The following CLN6 variants were observed in gnomAD, a reference collection of about 807,000 sequenced individuals.
CLN6 encodes CLN6 transmembrane ER protein, also known as ceroid-lipofuscinosis neuronal protein 6.
In CLN6, 22 loss-of-function variants were observed where a neutral mutation model predicts 33.3. That is an observed-to-expected ratio of 0.66 (90% CI 0.47 to 0.94). CLN6 has a LOEUF of 0.94. CLN6 is among the 40% of genes least tolerant of loss of function. CLN6 has a pLI of 0.00. For synonymous variants in CLN6, 201 were observed against 174.6 expected (o/e 1.15, Z -1.19); for missense variants, 387 against 417.1 (o/e 0.93, Z 0.63).
At chr15:68,225,265 T>C (rs1384716827) in intron 1 of CLN6, among the ~76,000 whole-genome samples, 1 of 152,264 alleles carries the variant, frequency 6.6e-6, no homozygotes, top group Non-Finnish European at 1.5e-5. Flanking sequence ...TATTTGGCTC[T>C]GTTGGAACAA....
chr15:68,244,973 G>T (rs1892315429), intron 1 of CLN6, among the ~76,000 whole-genome samples: 2 of 145,094 alleles, frequency 1.4e-5, no homozygotes, highest in Non-Finnish European at 1.5e-5. Context: ...AGAATCACTG[G>T]GTTGCAAGGA....
intron 1 of CLN6, among the ~76,000 whole-genome samples, chr15:68,223,130 G>GAA (rs879690049): frequency 1.4e-5 from 2 of 143,192 alleles, no homozygotes; most frequent in African/African-American, 5.1e-5. Flanking sequence ...AATAAATACT[G>GAA]AAAAAAAAAA....
At position 68,229,581 on chromosome 15, in the gene CLN6, C is replaced by T. The variant is rs796052360; in HGVS notation, c.4G>A (p.Glu2Lys). Residue 2 changes from glutamate (E) to lysine (K), a missense_variant, in exon 1 of 7, where the codon GAG becomes AAG. By Grantham distance (56) the Glu-to-Lys change is moderately conservative (BLOSUM62 1). Transcript: ENST00000249806. The stretch of plus-strand genomic sequence containing the variant: ...AGGTGCTGCCGCCTCCGCGTCGCCT[C>T]CATGGCTGCCCCGCAGGCCCCTCGG... M[E>K]ATRRRQHLGA... The T allele has an allele frequency of 1.4e-6, 2 of 1,464,672 alleles. No individual in the cohort carries two copies. Among genetic ancestry groups the T allele is most frequent in the Non-Finnish European group, 1.8e-6 (2 of 1,112,642 alleles). 90.7% of individuals were successfully genotyped at this position (1,464,672 alleles called of 1,614,324 possible).
In CLN6 at chr15:68,229,674, G is replaced by T; in HGVS notation, c.-90C>A. 2 of 1,126,858 alleles carry T rather than the reference G, an allele frequency of 1.8e-6. No homozygotes were observed. Among genetic ancestry groups the T allele is most frequent in the Non-Finnish European group, 2.3e-6 (2 of 855,302 alleles). The allele number at this position is 1,126,858 out of a possible 1,614,324, so 69.8% of individuals were successfully genotyped here. A position where few individuals can be genotyped will look rare whatever the true frequency, so the allele number is the denominator to read the frequency against. On this transcript the variant is annotated 5_prime_UTR_variant, in exon 1 of 7. It adds an upstream start codon to the 5' untranslated region. Coordinates refer to ENST00000249806, the MANE Select transcript of CLN6 (RefSeq NM_017882.3). Reference sequence around the variant, plus strand: ...CGGCGGAGGCCGCCGCAAATTCCCAGCGCGGGGCGGTTCGGGGCGGGCCGG... The same window carrying T: ...CGGCGGAGGCCGCCGCAAATTCCCATCGCGGGGCGGTTCGGGGCGGGCCGG...
intron 1 of CLN6, among the ~76,000 whole-genome samples, chr15:68,238,716 T>C (rs1322072149): frequency 6.6e-6 from 1 of 152,124 alleles, no homozygotes; most frequent in East Asian, 1.9e-4. Context: ...AGGCCTTAAC[T>C]AAAACAATTT....
At chr15:68,226,446 G>C (rs1466018582) in intron 1 of CLN6, among the ~76,000 whole-genome samples, 1 of 152,062 alleles carries the variant, frequency 6.6e-6, no homozygotes, top group African/African-American at 2.4e-5. Flanking sequence ...TTGTAAAATG[G>C]AGATAATAGT....
chr15:68,216,676 A>G (rs2093221297), intron 2 of CLN6, among the ~76,000 whole-genome samples: 1 of 152,240 alleles, frequency 6.6e-6, no homozygotes, highest in African/African-American at 2.4e-5. Context: ...TAATGGACAT[A>G]GCAAAACTGA....
rs910628645 is a variant in CLN6 at position 68,210,644 on chromosome 15, G to A, written c.542+619C>T. On this transcript the variant is annotated intron_variant, in intron 5 of 6. Coordinates refer to ENST00000249806, the MANE Select transcript of CLN6 (RefSeq NM_017882.3). The surrounding 1 kb of genome is among the most constrained non-coding windows in gnomAD (Gnocchi z 5.6). ...CTGGGTAAGATGGGAGGGTGGAACA[G>A]ATGAAGCCTCCCAGCCTGGGCCCGG... is the stretch of plus-strand genomic sequence containing the variant. Among the ~76,000 whole-genome samples the A allele has an allele frequency of 6.6e-6, 1 of 152,192 alleles. No homozygotes were observed. Among genetic ancestry groups the A allele is most frequent in the Admixed American group, 6.5e-5 (1 of 15,290 alleles).
intron 1 of CLN6, among the ~76,000 whole-genome samples, chr15:68,226,556 T>C (rs2093252599): frequency 1.3e-5 from 2 of 152,008 alleles, no homozygotes; most frequent in South Asian, 2.1e-4. Flanking sequence ...AACCTCCGCC[T>C]CCTGAGTTCA....
At chr15:68,221,362 C>A (rs1386662219) in intron 1 of CLN6, among the ~76,000 whole-genome samples, 1 of 152,094 alleles carries the variant, frequency 6.6e-6, no homozygotes, top group Non-Finnish European at 1.5e-5. Flanking sequence ...CTGCCGAGTG[C>A]CTGGGATCGC....
intron 1 of CLN6, among the ~76,000 whole-genome samples, chr15:68,243,301 A>G (rs973027875): frequency 9.2e-5 from 14 of 152,238 alleles, no homozygotes; most frequent in Admixed American, 3.3e-4. Flanking sequence ...TCATACTGAT[A>G]TGGGGCCAGA....
In CLN6 at chr15:68,210,445, C is replaced by G. The variant is rs1484264792; in HGVS notation, c.543-686G>C. Among the ~76,000 whole-genome samples, 2 of 152,196 alleles carry G rather than the reference C, an allele frequency of 1.3e-5. No homozygotes were observed. Among genetic ancestry groups the G allele is most frequent in the African/African-American group, 4.8e-5 (2 of 41,452 alleles). On this transcript the variant is annotated intron_variant, in intron 5 of 6. Coordinates refer to ENST00000249806, the MANE Select transcript of CLN6 (RefSeq NM_017882.3). This position sits in a 1 kb window ranked among gnomAD's most constrained non-coding sequence, Gnocchi z 5.6. ...GATGGCAGGAGGCCTGTCCAGGGAC[C>G]CTGGACCAGCTGAGCCAGGAGGATT...
At position 68,229,569 on chromosome 15, in the gene CLN6, T is replaced by G. The variant is rs1468764503; in HGVS notation, c.16A>C (p.Arg6=). The change falls in exon 1 of 7, where the codon AGG becomes CGG. Residue 6 remains arginine, a synonymous_variant. Coordinates refer to ENST00000249806, the MANE Select transcript of CLN6 (RefSeq NM_017882.3). MEATR[R]RQHLGATGGP... ...CCCGTCGCTCCCAGGTGCTGCCGCC[T>G]CCGCGTCGCCTCCATGGCTGCCCCG... 1 of 1,467,082 alleles carries G rather than the reference T, an allele frequency of 6.8e-7. No homozygotes were observed. Among genetic ancestry groups the G allele is most frequent in the Non-Finnish European group, 9.0e-7 (1 of 1,114,146 alleles). 90.9% of individuals were successfully genotyped at this position (1,467,082 alleles called of 1,614,324 possible).
intron 2 of CLN6, among the ~76,000 whole-genome samples, chr15:68,217,197 T>C (rs1047740447): frequency 6.6e-6 from 1 of 152,364 alleles, no homozygotes; most frequent in East Asian, 1.9e-4. Context: ...TTGTTACTTA[T>C]GAATTATTAC....
chr15:68,212,802 T>A (rs1240168061), intron 3 of CLN6: 2 of 152,240 alleles, frequency 1.3e-5, no homozygotes, highest in Non-Finnish European at 2.9e-5. Flanking sequence ...TGAGCCACCA[T>A]GCCTGGAAAA....
chr15:68,218,373 C>T (rs979442624), intron 2 of CLN6, 163 bp downstream of exon 2: 9 of 595,056 alleles, frequency 1.5e-5, no homozygotes, highest in Admixed American at 2.4e-5. Flanking sequence ...AGTTGCCTGA[C>T]GGGCCAAGTC....
rs926772365 is a variant in CLN6, at chr15:68,218,365, T to G, written c.198+171A>C. ...CTTCAGGCCCCCCACTTGCTGGCAG[T>G]TGCCTGACGGGCCAAGTCATAGAGC... On this transcript the variant is annotated intron_variant, in intron 2 of 6. Transcript: ENST00000249806. 3 of 577,516 alleles carry G rather than the reference T, an allele frequency of 5.2e-6. No individual in the cohort carries two copies. In the Admixed American group the frequency reaches 7.2e-5, roughly 14 times the overall value. 35.8% of individuals were successfully genotyped at this position (577,516 alleles called of 1,614,324 possible).
chr15:68,225,983 A>C (rs573840961), intron 1 of CLN6, among the ~76,000 whole-genome samples: 1 of 151,494 alleles, frequency 6.6e-6, no homozygotes, highest in South Asian at 2.1e-4. Context: ...AAAAAGAATA[A>C]AATAAAATAA....
In CLN6 at chr15:68,242,039, T is replaced by G. The variant is rs974084107; in HGVS notation, c.179+14651A>C. Among the ~76,000 whole-genome samples the G allele has an allele frequency of 6.6e-6, 1 of 151,642 alleles. No individual in the cohort carries two copies. The highest frequency in any genetic ancestry group is 1.5e-5 in the Non-Finnish European group (1 of 67,868). ...TTCAATGCAAAGATGTAGATGTATA[T>G]CCACAAGAAATAACAGGAAACAGGA... is the stretch of plus-strand genomic sequence containing the variant. On this transcript the variant is annotated intron_variant, in intron 1 of 6. Transcript: ENST00000538696. The surrounding 1 kb of genome is among the most constrained non-coding windows in gnomAD (Gnocchi z 5.0).
Sources: allele counts gnomAD v4.1 joint callset (sites outside exome capture counted in the v4.1 genomes callset), GRCh38; gene constraint gnomAD v4.1.1; non-coding constraint Gnocchi (gnomAD v3.1); transcripts MANE v1.5; gene names NCBI Gene and HGNC (gene_info 2026-07-23, HGNC 2026-07-21).